Variants in NLRP5 observed in about 807,000 individuals in gnomAD.
The protein encoded by NLRP5 is NLR family pyrin domain containing 5.
Under a neutral mutation model 113.1 loss-of-function variants are expected in NLRP5, and 93 were observed. That is an observed-to-expected ratio of 0.82 (90% CI 0.70 to 0.98). NLRP5 has a LOEUF of 0.98. Ranked by LOEUF, NLRP5 falls within the 50% of genes least tolerant of loss-of-function variation. NLRP5 has a pLI of 0.00. For synonymous variants in NLRP5, 751 were observed against 600.7 expected (o/e 1.25, Z -3.66); for missense variants, 1,808 against 1,514.3 (o/e 1.19, Z -3.22).
intron 2 of NLRP5, 108 bp downstream of exon 2, chr19:56,004,203 T>A: frequency 8.3e-7 from 1 of 1,201,540 alleles, no homozygotes; most frequent in East Asian, 2.3e-5. Context: ...CTCTGCAGTG[T>A]GAGTCTGAGC....
intron 10 of NLRP5, among the ~76,000 whole-genome samples, chr19:56,038,440 T>G (rs1983400100): frequency 1.3e-5 from 2 of 152,142 alleles, no homozygotes; most frequent in African/African-American, 4.8e-5. Flanking sequence ...AGGTGGAAAT[T>G]GCATAATGAC....
At chr19:56,009,962 A>G (rs939712726) in intron 3 of NLRP5, among the ~76,000 whole-genome samples, 22 of 152,192 alleles carry the variant, frequency 1.4e-4, no homozygotes, top group African/African-American at 4.8e-4. Context: ...GGTGAGTGTG[A>G]CATGTTATCC....
chr19:56,003,851 A>G lies in NLRP5; in HGVS notation c.198A>G (p.Gln66=), dbSNP rs767881593. The change falls in exon 2 of 15, where the codon CAA becomes CAG. Residue 66 remains glutamine, a synonymous_variant. Coordinates refer to ENST00000390649, the MANE Select transcript of NLRP5 (RefSeq NM_153447.4). Reference sequence around the variant, plus strand: ...TCACCTTTTCCAGCTACGGGCTGCAATGGTGTCTCTATGAGCTAGACAAGG... The same window carrying G: ...TCACCTTTTCCAGCTACGGGCTGCAGTGGTGTCTCTATGAGCTAGACAAGG... 8.1e-6 allele frequency: 13 copies of G among 1,613,866 alleles called. No homozygotes were observed. Among genetic ancestry groups the G allele is most frequent in the Admixed American group, 3.3e-5 (2 of 59,968 alleles).
chr19:56,055,570 G>A (rs1366434154), intron 13 of NLRP5, among the ~76,000 whole-genome samples: 4 of 55,840 alleles, frequency 7.2e-5, no homozygotes, highest in African/African-American at 2.2e-4. Context: ...TTTTAAGATA[G>A]AGTCTTGCTC....
chr19:55,988,440 G>GTATATATATATATATA, the NLRP5 span: 35 of 100,536 alleles, frequency 3.5e-4, no homozygotes, highest in South Asian at 2.8e-3. Context: ...ATATATGTGT[G>GTATATATATATATATA]TGTGTATATA....
chr19:55,988,899 T>C, the NLRP5 span, among the ~76,000 whole-genome samples: 1 of 152,214 alleles, frequency 6.6e-6, no homozygotes, highest in Non-Finnish European at 1.5e-5. Context: ...TGGTTTATGT[T>C]AACTCAGAAG....
intron 6 of NLRP5, among the ~76,000 whole-genome samples, chr19:56,024,428 TACAC>T (rs1568489427): frequency 4.2e-5 from 6 of 142,464 alleles, no homozygotes; most frequent in African/African-American, 1.6e-4. Flanking sequence ...ATGTTATATA[TACAC>T]ATATACATAT....
chr19:55,999,169 A>T (rs1981506365), upstream of NLRP5, among the ~76,000 whole-genome samples: 1 of 148,938 alleles, frequency 6.7e-6, no homozygotes, highest in Non-Finnish European at 1.5e-5. Flanking sequence ...TTGTTTTAGA[A>T]TCCACACAAT....
At chr19:56,023,290 C>T (rs1269831590) in intron 6 of NLRP5, among the ~76,000 whole-genome samples, 1 of 152,208 alleles carries the variant, frequency 6.6e-6, no homozygotes, top group Admixed American at 6.5e-5. Context: ...CACTGCCAGT[C>T]CTCTGAGGAC....
chr19:55,992,633 T>C, the NLRP5 span, among the ~76,000 whole-genome samples: 2 of 152,264 alleles, frequency 1.3e-5, no homozygotes, highest in South Asian at 4.1e-4. Flanking sequence ...TAAAGATTTA[T>C]TGGAACACAG....
chr19:56,055,609 G>A (rs1165313213), intron 13 of NLRP5, among the ~76,000 whole-genome samples: 7 of 128,856 alleles, frequency 5.4e-5, no homozygotes, highest in African/African-American at 1.2e-4. Flanking sequence ...GCAGTGGCGC[G>A]ATCTCAGCTC....
At chr19:56,036,817 C>A (rs1025047695) in intron 9 of NLRP5, among the ~76,000 whole-genome samples, 8 of 152,176 alleles carry the variant, frequency 5.3e-5, no homozygotes, top group African/African-American at 1.4e-4. Context: ...ATTAGTCGGG[C>A]ATGATGGCAT....
At chr19:55,986,806 G>T in the NLRP5 span, among the ~76,000 whole-genome samples, 28 of 152,062 alleles carry the variant, frequency 1.8e-4, no homozygotes, top group Admixed American at 3.9e-4. Flanking sequence ...GCTCTTGGTG[G>T]TGAGGTGTGA....
At position 56,028,044 on chromosome 19, in the gene NLRP5, A is replaced by G; in HGVS notation, c.1811A>G (p.Glu604Gly). 1 of 1,613,970 alleles carries G rather than the reference A, an allele frequency of 6.2e-7. No homozygotes were observed. ...TACGTGTTAGAGGGCCTGGAAATCG[A>G]GCCAGCTCTCTGCCCTCTGTACGTT... Residue 604 changes from glutamate (E) to glycine (G), a missense_variant, in exon 7 of 15, where the codon GAG becomes GGG. By Grantham distance (98) the Glu-to-Gly change is moderately conservative. Transcript: ENST00000390649.
chr19:55,999,322 C>T (rs910632872), upstream of NLRP5, among the ~76,000 whole-genome samples: 1 of 144,680 alleles, frequency 6.9e-6, no homozygotes, highest in Non-Finnish European at 1.5e-5. Flanking sequence ...TCAAGTGATT[C>T]TTCTGCCTCA....
At chr19:56,060,704 T>C (rs930717324) in intron 14 of NLRP5, among the ~76,000 whole-genome samples, 3 of 149,916 alleles carry the variant, frequency 2.0e-5, no homozygotes, top group African/African-American at 7.3e-5. Context: ...CAGCATAGTA[T>C]CTGACATATC....
intron 6 of NLRP5, among the ~76,000 whole-genome samples, chr19:56,024,410 A>ATG (rs1317954200): frequency 3.2e-5 from 4 of 124,918 alleles, no homozygotes; most frequent in African/African-American, 1.2e-4. Flanking sequence ...ATGTACATAT[A>ATG]TGTATATATG....
chr19:56,012,436 C>T (rs1982230562), intron 3 of NLRP5, among the ~76,000 whole-genome samples: 1 of 143,514 alleles, frequency 7.0e-6, no homozygotes, highest in Non-Finnish European at 1.5e-5. Flanking sequence ...GCATGAGCCA[C>T]TGCGCCTTGG....
chr19:56,033,638 C>T lies in NLRP5; in HGVS notation c.2544C>T (p.His848=), dbSNP rs768112666. 6.2e-6 allele frequency: 10 copies of T among 1,613,806 alleles called. No homozygotes were observed. The highest frequency in any genetic ancestry group is 8.5e-6 in the Non-Finnish European group (10 of 1,179,772). The change falls in exon 9 of 15, where the codon CAC becomes CAT. Residue 848 remains histidine (H), a synonymous_variant. Coordinates refer to ENST00000390649, the MANE Select transcript of NLRP5 (RefSeq NM_153447.4). ...GATCCCTCAACTTGGGAGGCACCCACCTGAAGGAAGAGGATGTAAGGATGG... is the reference window on the plus strand; with the variant it reads ...GATCCCTCAACTTGGGAGGCACCCATCTGAAGGAAGAGGATGTAAGGATGG...
Sources: gnomAD v4.1 joint callset for allele counts (sites outside exome capture counted in the v4.1 genomes callset) on GRCh38, gnomAD v4.1.1 for gene constraint, MANE v1.5 for transcripts, NCBI Gene and HGNC (gene_info 2026-07-23, HGNC 2026-07-21) for gene names.